Variants in RPS6KC1 observed in about 807,000 individuals in gnomAD.
RPS6KC1 encodes inactive ribosomal protein S6 kinase delta-1.
RPS6KC1 carries 54 observed loss-of-function variants against 103.8 expected under a neutral mutation model. That is an observed-to-expected ratio of 0.52 (90% CI 0.42 to 0.65). RPS6KC1 has a LOEUF of 0.65. Among genes scored for constraint, RPS6KC1 ranks in the 30% least tolerant of loss-of-function variants. The pLI is 0.00. For missense variants in RPS6KC1, 1,151 were observed against 1,253.8 expected, an observed-to-expected ratio of 0.92 and a Z score of 1.24; for synonymous variants, 439 against 438.7, an observed-to-expected ratio of 1.00 and a Z score of -0.01.
the RPS6KC1 span, among the ~76,000 whole-genome samples, chr1:213,282,025 C>CT: frequency 2.0e-5 from 3 of 152,204 alleles, no homozygotes; most frequent in Non-Finnish European, 2.9e-5. Flanking sequence ...GTCAGAATCC[C>CT]TAGCCAGACT....
At chr1:213,137,342 TA>T (rs1227413675) in intron 6 of RPS6KC1, among the ~76,000 whole-genome samples, 1 of 151,688 alleles carries the variant, frequency 6.6e-6, no homozygotes, top group Non-Finnish European at 1.5e-5. Flanking sequence ...TATATTTATA[TA>T]TTTTTTTGAG....
At chr1:213,384,193 G>A in the RPS6KC1 span, among the ~76,000 whole-genome samples, 1 of 151,928 alleles carries the variant, frequency 6.6e-6, no homozygotes, top group African/African-American at 2.4e-5. Context: ...GGAGAATGGC[G>A]TGAACCCAGG....
chr1:213,853,677 G>A, the RPS6KC1 span, among the ~76,000 whole-genome samples: 1 of 152,178 alleles, frequency 6.6e-6, no homozygotes, highest in East Asian at 1.9e-4. Context: ...AATAGATATT[G>A]AATTCAAGGG....
the RPS6KC1 span, among the ~76,000 whole-genome samples, chr1:213,740,992 T>C: frequency 1.3e-5 from 2 of 149,130 alleles, no homozygotes; most frequent in Non-Finnish European, 3.0e-5. Context: ...TATGTACACA[T>C]ATATATATCT....
chr1:213,642,747 C>A, the RPS6KC1 span, among the ~76,000 whole-genome samples: 1 of 151,836 alleles, frequency 6.6e-6, no homozygotes, highest in Non-Finnish European at 1.5e-5. Context: ...GCTTTTGTAA[C>A]TTTATTAGAA....
the RPS6KC1 span, among the ~76,000 whole-genome samples, chr1:213,557,325 C>T: frequency 1.3e-5 from 2 of 152,156 alleles, no homozygotes; most frequent in African/African-American, 2.4e-5. Context: ...AGTCAGGCCT[C>T]CAGAAGTCGG....
chr1:213,764,042 G>T, the RPS6KC1 span, among the ~76,000 whole-genome samples: 1 of 152,168 alleles, frequency 6.6e-6, no homozygotes, highest in African/African-American at 2.4e-5. Flanking sequence ...TGCCCTTGAG[G>T]CATCAGATGG....
chr1:213,385,830 G>A, the RPS6KC1 span, among the ~76,000 whole-genome samples: 5 of 152,324 alleles, frequency 3.3e-5, no homozygotes, highest in Non-Finnish European at 5.9e-5. Context: ...TGCTGCTACT[G>A]TTCACAGGTG....
the RPS6KC1 span, among the ~76,000 whole-genome samples, chr1:213,329,857 G>A: frequency 1.3e-5 from 2 of 151,000 alleles, no homozygotes; most frequent in Non-Finnish European, 2.9e-5. Context: ...CAGTCACACA[G>A]GCGACAAAAT....
chr1:213,470,213 C>T, the RPS6KC1 span, among the ~76,000 whole-genome samples: 1 of 152,206 alleles, frequency 6.6e-6, no homozygotes, highest in African/African-American at 2.4e-5. Flanking sequence ...CTCTTTCAAT[C>T]TGTTGCTTTC....
intron 3 of RPS6KC1, among the ~76,000 whole-genome samples, chr1:213,103,436 A>C (rs1406448837): frequency 1.3e-5 from 2 of 152,332 alleles, no homozygotes; most frequent in East Asian, 3.9e-4. Flanking sequence ...CTACATTTTA[A>C]AAATGAGGAA....
At chr1:213,310,235 T>G in the RPS6KC1 span, among the ~76,000 whole-genome samples, 1,105 of 152,310 alleles carry the variant, frequency 7.3e-3, 21 homozygotes, top group African/African-American at 0.022. Flanking sequence ...ACCTTATTCC[T>G]CCTCTGCTCA....
the RPS6KC1 span, among the ~76,000 whole-genome samples, chr1:213,722,385 T>G: frequency 6.6e-6 from 1 of 152,198 alleles, no homozygotes; most frequent in Non-Finnish European, 1.5e-5. Context: ...TTATTGGTCC[T>G]GATACTGTGA....
chr1:213,395,673 T>A, the RPS6KC1 span, among the ~76,000 whole-genome samples: 2 of 152,342 alleles, frequency 1.3e-5, no homozygotes, highest in South Asian at 4.1e-4. Flanking sequence ...ATGTCTGATT[T>A]CAAGCTACTA....
chr1:213,286,633 A>G, the RPS6KC1 span, among the ~76,000 whole-genome samples: 2 of 152,258 alleles, frequency 1.3e-5, no homozygotes, highest in Admixed American at 1.3e-4. Context: ...ACCACTGAGT[A>G]TCCAAATAAT....
the RPS6KC1 span, among the ~76,000 whole-genome samples, chr1:213,503,591 C>T: frequency 6.6e-6 from 1 of 152,220 alleles, no homozygotes; most frequent in Non-Finnish European, 1.5e-5. Context: ...ATGTTCCTGC[C>T]TATTAACAGT....
intron 8 of RPS6KC1, among the ~76,000 whole-genome samples, chr1:213,201,225 G>T (rs1012944499): frequency 6.6e-6 from 1 of 152,180 alleles, no homozygotes. Flanking sequence ...TTCACTAGGT[G>T]AATGGGTAAA....
chr1:213,779,107 AG>A, the RPS6KC1 span, among the ~76,000 whole-genome samples: 1 of 152,208 alleles, frequency 6.6e-6, no homozygotes, highest in Non-Finnish European at 1.5e-5. Flanking sequence ...GGAAAGAAAA[AG>A]TAGGGATATG....
chr1:213,120,426 G>A lies in RPS6KC1; in HGVS notation c.472+3016G>A, dbSNP rs187818730. Among the ~76,000 whole-genome samples the A allele has an allele frequency of 2.7e-3, 407 of 152,246 alleles. 1 individual carries two copies. The highest frequency in any genetic ancestry group is 6.8e-3 in the Middle Eastern group (2 of 294). On this transcript the variant is annotated intron_variant, in intron 5 of 14. Coordinates refer to ENST00000366960, the MANE Select transcript of RPS6KC1 (RefSeq NM_012424.6). ...AGAGGGAAAATGGCTTTTAAATATC[G>A]TAAGATTGTTTGGCATAGTGGGAAA...
Sources: allele counts gnomAD v4.1 joint callset (sites outside exome capture counted in the v4.1 genomes callset), GRCh38; gene constraint gnomAD v4.1.1; transcripts MANE v1.5; gene names NCBI Gene and HGNC (gene_info 2026-07-23, HGNC 2026-07-21).